The following SPATA21 variants were observed in gnomAD, a reference collection of about 807,000 sequenced individuals.
SPATA21 encodes the protein spermatogenesis-associated protein 21.
Under a neutral mutation model 54.8 loss-of-function variants are expected in SPATA21, and 47 were observed. The ratio of observed to expected loss-of-function variants is 0.86; its 90% CI spans 0.68 to 1.09. The LOEUF is 1.09. SPATA21 is among the 50% of genes least tolerant of loss of function. The pLI, the probability that SPATA21 is intolerant of heterozygous loss-of-function variation, is 0.00. For missense variants in SPATA21, 599 were observed against 596.4 expected, an observed-to-expected ratio of 1.00 and a Z score of -0.05; for synonymous variants, 245 against 235.3, an observed-to-expected ratio of 1.04 and a Z score of -0.38.
At chr1:16,423,409 T>C (rs2086226647) in intron 3 of SPATA21, among the ~76,000 whole-genome samples, 1 of 110,178 alleles carries the variant, frequency 9.1e-6, no homozygotes, top group African/African-American at 4.4e-5. Flanking sequence ...TGAGACTCCA[T>C]GTCAAAAAAA....
At position 16,431,368 on chromosome 1, in the gene SPATA21, C is replaced by T. The variant is rs1382533093; in HGVS notation, c.4G>A (p.Asp2Asn). Residue 2 changes from aspartate (D) to asparagine (N), a missense_variant, in exon 3 of 13, where the codon GAC becomes AAC. Coordinates refer to ENST00000335496, the MANE Select transcript of SPATA21 (RefSeq NM_198546.1). ...GTGTACATCTGGGTGTTTCTATTGT[C>T]CATGATGCCAGCGCCAACACGGGTG... M[D>N]NRNTQMYTEE... is the part of the protein sequence containing the mutation. 5 of 1,614,106 alleles carry T rather than the reference C, an allele frequency of 3.1e-6. No homozygotes were observed. The highest frequency in any genetic ancestry group is 3.3e-5 in the Admixed American group (2 of 60,006).
chr1:16,401,032 A>G (rs1328084991), intron 10 of SPATA21, 140 bp from the exon 11 acceptor site: 2 of 1,021,840 alleles, frequency 2.0e-6, no homozygotes, highest in East Asian at 5.1e-5. Flanking sequence ...GTCTCAGCTC[A>G]GCCCTTTCTG....
Position 16,409,312 on chromosome 1 carries a change from G to T in SPATA21, c.588-109C>A. ...AGGAGGAGGTCGTGGGGGAGGCTTT[G>T]GGGAGCCCGGAGAGATCAAGAATGG... On this transcript the variant is annotated intron_variant, in intron 6 of 12. Coordinates refer to ENST00000335496, the MANE Select transcript of SPATA21 (RefSeq NM_198546.1). The surrounding 1 kb of genome is among the most constrained non-coding windows in gnomAD (Gnocchi z 4.1). The T allele has an allele frequency of 8.4e-7, 1 of 1,192,046 alleles. No individual in the cohort carries two copies. The highest frequency in any genetic ancestry group is 1.2e-6 in the Non-Finnish European group (1 of 825,370). 73.8% of individuals were successfully genotyped at this position (1,192,046 alleles called of 1,614,324 possible).
At chr1:16,405,779 T>C (rs2085622048) in intron 7 of SPATA21, among the ~76,000 whole-genome samples, 1 of 152,184 alleles carries the variant, frequency 6.6e-6, no homozygotes, top group South Asian at 2.1e-4. Context: ...CATCCTCTGC[T>C]CTGGTCCACA....
chr1:16,420,138 G>C (rs1290830335), intron 5 of SPATA21, among the ~76,000 whole-genome samples: 2 of 152,038 alleles, frequency 1.3e-5, no homozygotes, highest in Non-Finnish European at 2.9e-5. Flanking sequence ...AGGTAGGGCT[G>C]TCATGGAGCC....
chr1:16,403,485 T>TTTTC lies in SPATA21; in HGVS notation c.1001+241_1001+242insGAAA, dbSNP rs202112644. Among the ~76,000 whole-genome samples the TTTTC allele has an allele frequency of 9.6e-3, 1,052 of 109,924 alleles. 20 individuals carry two copies. Among genetic ancestry groups the TTTTC allele is most frequent in the African/African-American group, 0.027 (960 of 35,622 alleles). 72.1% of individuals were successfully genotyped at this position (109,924 alleles called of 152,430 possible). A position where few individuals can be genotyped will look rare whatever the true frequency, so the allele number is the denominator to read the frequency against. On this transcript the variant is annotated intron_variant, in intron 10 of 12. Transcript: ENST00000335496. ...GCTAGTTTTATTCTAGTTTTTTTCT[T>TTTTC]TTTTTTCTTTTTTTTTTTTTTGAGA...
intron 3 of SPATA21, chr1:16,427,955 C>G (rs1406191700): frequency 1.3e-6 from 2 of 1,550,264 alleles, no homozygotes; most frequent in Non-Finnish European, 1.7e-6. Flanking sequence ...TTCTCTGGCC[C>G]TCGTGAAGCT....
intron 8 of SPATA21, 53 bp from the exon 9 acceptor site, chr1:16,404,092 C>G: frequency 3.4e-6 from 5 of 1,461,272 alleles, no homozygotes; most frequent in Non-Finnish European, 4.7e-6. Flanking sequence ...CAGGTCCATG[C>G]CTTGCAGCCC....
At position 16,428,098 on chromosome 1, in the gene SPATA21, G is replaced by C. The variant is rs960681760; in HGVS notation, c.34+3240C>G. 8.1e-6 allele frequency: 12 copies of C among 1,472,940 alleles called. No homozygotes were observed. Among genetic ancestry groups the C allele is most frequent in the African/African-American group, 1.4e-5 (1 of 72,110 alleles). The allele number at this position is 1,472,940 out of a possible 1,614,324, so 91.2% of individuals were successfully genotyped here. ...AGTGATCCCTCCCACTCCTCCCTGG[G>C]TACTCTTCTGGCCTCAAGGACAGGG... On this transcript the variant is annotated intron_variant, in intron 3 of 12. Coordinates refer to ENST00000335496, the MANE Select transcript of SPATA21 (RefSeq NM_198546.1). The surrounding 1 kb of genome is among the most constrained non-coding windows in gnomAD (Gnocchi z 4.3).
intron 3 of SPATA21, among the ~76,000 whole-genome samples, chr1:16,422,673 T>C (rs921660084): frequency 6.6e-6 from 1 of 152,070 alleles, no homozygotes; most frequent in East Asian, 1.9e-4. Flanking sequence ...GCCTGGCTGA[T>C]ATTTTTTAAT....
rs921451788 is a variant in SPATA21 at position 16,428,329 on chromosome 1, G to T, written c.34+3009C>A. 1.3e-5 allele frequency among the ~76,000 whole-genome samples: 2 copies of T among 152,182 alleles called. No homozygotes were observed. The highest frequency in any genetic ancestry group is 2.4e-5 in the African/African-American group (1 of 41,466). On this transcript the variant is annotated intron_variant, in intron 3 of 12. Transcript: ENST00000335496. This position sits in a 1 kb window ranked among gnomAD's most constrained non-coding sequence, Gnocchi z 4.3. Reference sequence around the variant, plus strand: ...TGGGGGACCCCAAGACTCTCACAAGGTCCAAGAGACGCCTTCAACAATTCC... The same window carrying T: ...TGGGGGACCCCAAGACTCTCACAAGTTCCAAGAGACGCCTTCAACAATTCC...
At position 16,421,828 on chromosome 1, in the gene SPATA21, C is replaced by T; in HGVS notation, c.95+83G>A. 1 of 1,602,474 alleles carries T rather than the reference C, an allele frequency of 6.2e-7. No homozygotes were observed. The highest frequency in any genetic ancestry group is 8.5e-7 in the Non-Finnish European group (1 of 1,170,218). The stretch of plus-strand genomic sequence containing the variant: ...GGTCCTCTACCAGGTCAGGAGCAGT[C>T]TGGACTAGAATTCACCCCACCTGAA... On this transcript the variant is annotated intron_variant, in intron 4 of 12. Coordinates refer to ENST00000335496, the MANE Select transcript of SPATA21 (RefSeq NM_198546.1). The surrounding 1 kb of genome is among the most constrained non-coding windows in gnomAD (Gnocchi z 5.2).
At chr1:16,402,007 C>T (rs61769435) in intron 10 of SPATA21, among the ~76,000 whole-genome samples, 12,373 of 152,208 alleles carry the variant, frequency 0.081, 686 homozygotes, top group Non-Finnish European at 0.12. Flanking sequence ...CTACTAACAC[C>T]GTGGGCCAAG....
At chr1:16,399,152 G>A (rs1430293226) in intron 12 of SPATA21, among the ~76,000 whole-genome samples, 192 bp downstream of exon 12, 4 of 152,204 alleles carry the variant, frequency 2.6e-5, no homozygotes, top group African/African-American at 9.7e-5. Context: ...GGCTTCAGTG[G>A]AACAATCTGC....
At position 16,409,587 on chromosome 1, in the gene SPATA21, G is replaced by A; in HGVS notation, c.587+14C>T. ...CCTTTCAGGAGCGGGCGGGTGAGCA[G>A]CGGGGGCTCCTACCGCGCCTTGGCG... On this transcript the variant is annotated intron_variant, in intron 6 of 12. Coordinates refer to ENST00000335496, the MANE Select transcript of SPATA21 (RefSeq NM_198546.1). This position sits in a 1 kb window ranked among gnomAD's most constrained non-coding sequence, Gnocchi z 4.1. The A allele has an allele frequency of 6.2e-7, 1 of 1,604,304 alleles. No homozygotes were observed. The highest frequency in any genetic ancestry group is 8.5e-7 in the Non-Finnish European group (1 of 1,177,064).
rs2086302630 is a variant in SPATA21, at chr1:16,425,796, C to T, written c.35-3825G>A. The T allele has an allele frequency of 2.8e-6, 4 of 1,408,238 alleles. No homozygotes were observed. In the South Asian group the frequency reaches 3.9e-5, roughly 14 times the overall value. 87.2% of individuals were successfully genotyped at this position (1,408,238 alleles called of 1,614,324 possible). On this transcript the variant is annotated intron_variant, in intron 3 of 12. Coordinates refer to ENST00000335496, the MANE Select transcript of SPATA21 (RefSeq NM_198546.1). ...TGGGGCACTGTTTTATATATTTTTA[C>T]AGGGCTAGGCATACCATAGGTGCAT...
intron 5 of SPATA21, among the ~76,000 whole-genome samples, chr1:16,414,537 G>A (rs1447165843): frequency 6.6e-6 from 1 of 152,084 alleles, no homozygotes; most frequent in East Asian, 1.9e-4. Flanking sequence ...TGATGTCTGA[G>A]AAGCAAGATA....
chr1:16,407,015 A>G (rs2085663798), intron 7 of SPATA21, among the ~76,000 whole-genome samples: 1 of 152,242 alleles, frequency 6.6e-6, no homozygotes, highest in Non-Finnish European at 1.5e-5. Flanking sequence ...AGGCTGCTGC[A>G]TTCATGTGAG....
chr1:16,432,728 C>G (rs1355937789), intron 2 of SPATA21, 62 bp downstream of exon 2: 1 of 152,334 alleles, frequency 6.6e-6, no homozygotes, highest in Non-Finnish European at 1.5e-5. Flanking sequence ...TCACTGTTAA[C>G]TAGTTTCCAG....
Sources: allele counts gnomAD v4.1 joint callset (sites outside exome capture counted in the v4.1 genomes callset), GRCh38; gene constraint gnomAD v4.1.1; non-coding constraint Gnocchi (gnomAD v3.1); transcripts MANE v1.5; gene names NCBI Gene and HGNC (gene_info 2026-07-23, HGNC 2026-07-21).